Variants in ELMO1 observed in about 807,000 individuals in gnomAD.
ELMO1 encodes the protein engulfment and cell motility protein 1.
Under a neutral mutation model 98.9 loss-of-function variants are expected in ELMO1, and 26 were observed. That is an observed-to-expected ratio of 0.26 (90% CI 0.19 to 0.36). The LOEUF (loss-of-function observed/expected upper bound fraction) is 0.36, where lower values mean the gene tolerates loss of function less well. Among genes scored for constraint, ELMO1 ranks in the 10% least tolerant of loss-of-function variants. The pLI, the probability that ELMO1 is intolerant of heterozygous loss-of-function variation, is 1.00. For missense variants in ELMO1, 627 were observed against 935.2 expected, an observed-to-expected ratio of 0.67 and a Z score of 4.30; for synonymous variants, 346 against 346.0, an observed-to-expected ratio of 1.00 and a Z score of 0.00.
intron 7 of ELMO1, among the ~76,000 whole-genome samples, chr7:37,238,215 C>A (rs1028032651): frequency 6.6e-6 from 1 of 152,096 alleles, no homozygotes; most frequent in African/African-American, 2.4e-5. Context: ...TTGTTTAGGT[C>A]TTTATTTCCC....
intron 16 of ELMO1, among the ~76,000 whole-genome samples, chr7:36,986,844 C>T (rs1584480796): frequency 6.6e-6 from 1 of 152,028 alleles, no homozygotes; most frequent in Non-Finnish European, 1.5e-5. Flanking sequence ...AGGGGTCCCA[C>T]TGGGAGGATT....
chr7:37,151,165 A>T (rs1788330377), intron 13 of ELMO1, among the ~76,000 whole-genome samples: 1 of 152,230 alleles, frequency 6.6e-6, no homozygotes, highest in African/African-American at 2.4e-5. Context: ...GAATCCTCAG[A>T]GTCAGGGGCA....
At chr7:37,038,368 C>T (rs1015588766) in intron 15 of ELMO1, among the ~76,000 whole-genome samples, 2 of 152,146 alleles carry the variant, frequency 1.3e-5, no homozygotes, top group Admixed American at 6.5e-5. Flanking sequence ...AGCTCATGAC[C>T]CCTGGAGCTT....
At chr7:37,005,123 A>AAAAAAAAAAG (rs1792970120) in intron 16 of ELMO1, among the ~76,000 whole-genome samples, 5 of 151,128 alleles carry the variant, frequency 3.3e-5, no homozygotes, top group African/African-American at 1.2e-4. Flanking sequence ...AAAAAAAAAA[A>AAAAAAAAAAG]AAAAAAAAAG....
rs1465678056 is a variant in ELMO1 at position 37,250,806 on chromosome 7, A to C, written c.414-6415T>G. Among the ~76,000 whole-genome samples, 71 of 151,930 alleles carry C rather than the reference A, an allele frequency of 4.7e-4. 1 individual carries two copies. The highest frequency in any genetic ancestry group is 2.9e-5 in the Non-Finnish European group (2 of 68,004). ...GACTCCGTCTCAAAAAAAAAAAAAA[A>C]AAAAACCAGAAACTTTCCAAGTTCA... is the stretch of plus-strand genomic sequence containing the variant. On this transcript the variant is annotated intron_variant, in intron 6 of 21. Coordinates refer to ENST00000310758, the MANE Select transcript of ELMO1 (RefSeq NM_014800.11).
At chr7:37,078,467 C>A (rs1164357206) in intron 15 of ELMO1, among the ~76,000 whole-genome samples, 2 of 152,116 alleles carry the variant, frequency 1.3e-5, no homozygotes, top group Admixed American at 6.5e-5. Context: ...TATGATCACC[C>A]CAAATCCCAC....
At chr7:37,344,033 A>ATTTTTTTTT (rs10626425) in intron 1 of ELMO1, among the ~76,000 whole-genome samples, 3 of 134,598 alleles carry the variant, frequency 2.2e-5, no homozygotes, top group Admixed American at 7.6e-5. Flanking sequence ...AAAAGGCAGC[A>ATTTTTTTTT]TTTTTTTTTT....
At chr7:37,180,265 T>C (rs974708) in intron 13 of ELMO1, among the ~76,000 whole-genome samples, 124,759 of 152,074 alleles carry the variant, frequency 0.82, 51,378 homozygotes, top group East Asian at 0.9. Flanking sequence ...GCCGTCTCCG[T>C]GCCATCACTG....
At chr7:37,356,245 C>G (rs1024559371) in intron 1 of ELMO1, among the ~76,000 whole-genome samples, 1 of 152,088 alleles carries the variant, frequency 6.6e-6, no homozygotes, top group African/African-American at 2.4e-5. Flanking sequence ...TTATTGTGAA[C>G]AGTGCTACAA....
chr7:37,101,291 G>A (rs1466701337), intron 14 of ELMO1, among the ~76,000 whole-genome samples: 2 of 152,302 alleles, frequency 1.3e-5, no homozygotes, highest in Admixed American at 6.5e-5. Flanking sequence ...TCTCCCGCAG[G>A]AATGCAGGGT....
At chr7:37,203,766 T>C (rs1253425440) in intron 13 of ELMO1, among the ~76,000 whole-genome samples, 1 of 151,818 alleles carries the variant, frequency 6.6e-6, no homozygotes, top group African/African-American at 2.4e-5. Context: ...GATGGGCGAG[T>C]CTGCTTGGAC....
At position 36,878,072 on chromosome 7, in the gene ELMO1, T is replaced by C; in HGVS notation, c.1760A>G (p.His587Arg). Residue 587 changes from histidine (H) to arginine (R), a missense_variant, in exon 19 of 22, where the codon CAT (histidine) becomes CGT (arginine). Coordinates refer to ENST00000310758, the MANE Select transcript of ELMO1 (RefSeq NM_014800.11). ...AGGACTCTCTTCTAAGTCTCCGTAA[T>C]GCAGGACTTTGTGATTTGGCGAAAG... ...CRLSPNHKVL[H>R]YGDLEESPQG... The C allele has an allele frequency of 6.2e-7, 1 of 1,614,128 alleles. No individual in the cohort carries two copies. The highest frequency in any genetic ancestry group is 8.5e-7 in the Non-Finnish European group (1 of 1,179,966).
chr7:37,030,072 C>A (rs1210687807), intron 15 of ELMO1, among the ~76,000 whole-genome samples: 1 of 152,146 alleles, frequency 6.6e-6, no homozygotes, highest in Admixed American at 6.5e-5. Flanking sequence ...GTGAGGGCTA[C>A]TTTCCTCTCC....
At chr7:37,412,218 G>GA (rs1300303234) in intron 1 of ELMO1, among the ~76,000 whole-genome samples, 3 of 152,194 alleles carry the variant, frequency 2.0e-5, no homozygotes, top group Admixed American at 6.5e-5. Flanking sequence ...AACTCCAAAA[G>GA]AAAAAAATCA....
intron 4 of ELMO1, among the ~76,000 whole-genome samples, chr7:37,293,766 C>CAAAA (rs56775177): frequency 2.0e-5 from 2 of 100,882 alleles, no homozygotes; most frequent in African/African-American, 7.3e-5. Flanking sequence ...ACTCTATATC[C>CAAAA]AAAAAAAAAA....
chr7:37,062,851 C>T (rs1381403144), intron 15 of ELMO1, among the ~76,000 whole-genome samples: 3 of 152,096 alleles, frequency 2.0e-5, no homozygotes, highest in Non-Finnish European at 4.4e-5. Context: ...AGATGAGGTC[C>T]AGAGGAAAAG....
intron 13 of ELMO1, among the ~76,000 whole-genome samples, chr7:37,186,954 A>G (rs1334744217): frequency 6.6e-6 from 1 of 152,226 alleles, no homozygotes; most frequent in East Asian, 1.9e-4. Flanking sequence ...TGTGCTTTTA[A>G]GTACAGAACA....
chr7:36,973,466 C>T (rs1337351116), intron 16 of ELMO1, among the ~76,000 whole-genome samples: 1 of 152,196 alleles, frequency 6.6e-6, no homozygotes, highest in Non-Finnish European at 1.5e-5. Flanking sequence ...CCACATAGGC[C>T]TCAATTTGCT....
intron 1 of ELMO1, among the ~76,000 whole-genome samples, chr7:37,393,614 GT>G (rs1224551746): frequency 6.6e-6 from 1 of 152,120 alleles, no homozygotes; most frequent in Non-Finnish European, 1.5e-5. Context: ...CTCAATTTGG[GT>G]TTGTCTGGTG....
Sources: allele counts gnomAD v4.1 joint callset (sites outside exome capture counted in the v4.1 genomes callset), GRCh38; gene constraint gnomAD v4.1.1; transcripts MANE v1.5; gene names NCBI Gene and HGNC (gene_info 2026-07-23, HGNC 2026-07-21).